The following E2F7 variants were observed in gnomAD, a reference collection of about 807,000 sequenced individuals.
The protein encoded by E2F7 is transcription factor E2F7.
In E2F7, 35 loss-of-function variants were observed where a neutral mutation model predicts 81.1. That is an observed-to-expected ratio of 0.43 (90% confidence interval 0.33 to 0.57). E2F7 has a LOEUF of 0.57. Ranked by LOEUF, E2F7 falls within the 20% of genes least tolerant of loss-of-function variation. The pLI is 0.04. For synonymous variants in E2F7, 416 were observed against 416.2 expected (o/e 1.00, Z 0.01); for missense variants, 961 against 1,093.7 (o/e 0.88, Z 1.71).
intron 3 of E2F7, among the ~76,000 whole-genome samples, chr12:77,051,910 A>C (rs1332393700): frequency 5.9e-5 from 9 of 152,186 alleles, no homozygotes; most frequent in Non-Finnish European, 1.3e-4. Flanking sequence ...ATACAAAAAA[A>C]CTCAAAAGAA....
intron 9 of E2F7, 32 bp downstream of exon 9, chr12:77,033,018 G>T (rs111367994): frequency 8.8e-6 from 14 of 1,592,360 alleles, no homozygotes; most frequent in African/African-American, 5.4e-5. Flanking sequence ...AGATAGAAAA[G>T]AATACACTCT....
rs1238816304 is a variant in E2F7 at position 77,033,848 on chromosome 12, G to A, written c.1309+9C>T. 1 of 1,592,932 alleles carries A rather than the reference G, an allele frequency of 6.3e-7. No individual in the cohort carries two copies. The highest frequency in any genetic ancestry group is 2.3e-5 in the East Asian group (1 of 44,264). On this transcript the variant is annotated intron_variant, in intron 8 of 12. Coordinates refer to ENST00000322886, the MANE Select transcript of E2F7 (RefSeq NM_203394.3). ...TGATGGACTCCATAGATTATGCAAG[G>A]GCAGATACCTTGTTCTTCTCTGTAC... is the stretch of plus-strand genomic sequence containing the variant.
chr12:77,037,408 T>C (rs1201821098), intron 7 of E2F7, among the ~76,000 whole-genome samples: 2 of 152,062 alleles, frequency 1.3e-5, no homozygotes, highest in Admixed American at 1.3e-4. Context: ...CTGGGCAACA[T>C]AGTGAAACCC....
At chr12:77,033,220 C>T in intron 8 of E2F7, 98 bp from the exon 9 acceptor site, 2 of 1,109,920 alleles carry the variant, frequency 1.8e-6, no homozygotes, top group Non-Finnish European at 1.3e-6. Context: ...TTATTCTCAG[C>T]TCAAAGATTA....
chr12:77,031,971 T>C (rs540445260), intron 9 of E2F7, among the ~76,000 whole-genome samples: 1 of 152,308 alleles, frequency 6.6e-6, no homozygotes, highest in Admixed American at 6.5e-5. Context: ...TCTCCACCAA[T>C]GACATCACTA....
At chr12:77,036,352 A>G (rs1954849396) in intron 7 of E2F7, among the ~76,000 whole-genome samples, 1 of 152,082 alleles carries the variant, frequency 6.6e-6, no homozygotes, top group Non-Finnish European at 1.5e-5. Flanking sequence ...AGGCTAGAAA[A>G]CAGTGGAGCA....
chr12:77,035,184 A>C (rs571179267), intron 7 of E2F7, among the ~76,000 whole-genome samples: 12 of 152,322 alleles, frequency 7.9e-5, no homozygotes, highest in African/African-American at 2.9e-4. Flanking sequence ...ACCTAGACAG[A>C]GACTGTAGGT....
At chr12:77,062,459 A>G (rs1353148827) in intron 2 of E2F7, among the ~76,000 whole-genome samples, 2 of 152,210 alleles carry the variant, frequency 1.3e-5, no homozygotes, top group Non-Finnish European at 2.9e-5. Context: ...AAAGACAGAC[A>G]GAAGCCCCTC....
At position 77,043,151 on chromosome 12, in the gene E2F7, G is replaced by A; in HGVS notation, c.1037C>T (p.Ala346Val). 6.2e-7 allele frequency: 1 copy of A among 1,614,152 alleles called. No individual in the cohort carries two copies. The highest frequency in any genetic ancestry group is 8.5e-7 in the Non-Finnish European group (1 of 1,180,028). ...YDIANVLTSL[A>V]LIKKVHVTEE... ...TGTTACATGCACTTTCTTTATCAGA[G>A]CCAAGCTGGTCAGAACATTGGCTAT... The change falls in exon 7 of 13, where the codon GCT becomes GTT. Residue 346 changes from alanine to valine, a missense_variant. By Grantham distance (64) the Ala-to-Val change is moderately conservative. This residue lies in a region of E2F7 where 301 missense variants were observed against 405.0 expected (regional missense o/e 0.74). Coordinates refer to ENST00000322886, the MANE Select transcript of E2F7 (RefSeq NM_203394.3).
rs1954754184 is a variant in E2F7 at position 77,025,899 on chromosome 12, T to G, written c.2224A>C (p.Ser742Arg). ...GATGGTAAGACCATGCAAGGGACAC[T>G]GAAAGACGGCAGCTGACCTGAGGAC... ...GPSSGQLPSF[S>R]VPCMVLPSPP... is the part of the protein sequence containing the mutation. Residue 742 changes from serine (S) to arginine (R), a missense_variant, in exon 12 of 13, where the codon AGT (serine) becomes CGT (arginine). Coordinates refer to ENST00000322886, the MANE Select transcript of E2F7 (RefSeq NM_203394.3). 3.1e-6 allele frequency: 5 copies of G among 1,614,016 alleles called. No individual in the cohort carries two copies. Among genetic ancestry groups the G allele is most frequent in the Admixed American group, 3.3e-5 (2 of 60,000 alleles).
intron 2 of E2F7, among the ~76,000 whole-genome samples, chr12:77,062,602 T>C (rs201247527): frequency 2.0e-5 from 3 of 151,138 alleles, no homozygotes; most frequent in African/African-American, 7.3e-5. Flanking sequence ...GAGTTTTTTT[T>C]CCCCACACAC....
intron 12 of E2F7, 128 bp downstream of exon 12, chr12:77,025,430 C>T (rs1328323429): frequency 9.6e-6 from 10 of 1,036,854 alleles, no homozygotes; most frequent in African/African-American, 1.6e-5. Context: ...AACTCTAGGT[C>T]TACAACGGAA....
At chr12:77,037,121 C>G (rs559058726) in intron 7 of E2F7, among the ~76,000 whole-genome samples, 7 of 152,132 alleles carry the variant, frequency 4.6e-5, no homozygotes, top group Non-Finnish European at 8.8e-5. Context: ...CTCAGACATA[C>G]AACAGCTAGA....
At chr12:77,056,418 G>A (rs557235957) in intron 2 of E2F7, among the ~76,000 whole-genome samples, 1 of 152,284 alleles carries the variant, frequency 6.6e-6, no homozygotes, top group East Asian at 1.9e-4. Flanking sequence ...AACAGATGAG[G>A]ACTATGAGGG....
At chr12:77,024,397 T>A (rs1320527698) in intron 12 of E2F7, among the ~76,000 whole-genome samples, 1 of 152,164 alleles carries the variant, frequency 6.6e-6, no homozygotes, top group Non-Finnish European at 1.5e-5. Flanking sequence ...AGAAAGGCAG[T>A]CTACCAAAGA....
At chr12:77,036,552 T>C (rs1489395127) in intron 7 of E2F7, among the ~76,000 whole-genome samples, 3 of 151,338 alleles carry the variant, frequency 2.0e-5, no homozygotes, top group African/African-American at 7.3e-5. Context: ...ATAAAATAAA[T>C]TTAAAAAAAG....
intron 5 of E2F7, chr12:77,045,770 C>T: frequency 2.4e-6 from 1 of 420,232 alleles, no homozygotes; most frequent in Non-Finnish European, 4.2e-6. Flanking sequence ...ATGGGGCTGC[C>T]AATCTAAAAA....
intron 2 of E2F7, among the ~76,000 whole-genome samples, chr12:77,059,950 G>A (rs1457368765): frequency 8.6e-6 from 1 of 116,268 alleles, no homozygotes; most frequent in East Asian, 3.2e-4. Context: ...GTGACAGCGA[G>A]ATTCTGTCTC....
intron 2 of E2F7, among the ~76,000 whole-genome samples, chr12:77,058,786 A>G (rs1955054817): frequency 6.6e-6 from 1 of 152,160 alleles, no homozygotes; most frequent in Admixed American, 6.5e-5. Context: ...TCTATTCTTT[A>G]TTACCATTCA....
Sources: allele counts gnomAD v4.1 joint callset (sites outside exome capture counted in the v4.1 genomes callset), GRCh38; gene constraint gnomAD v4.1.1; regional missense constraint gnomAD v4.1.1; transcripts MANE v1.5; gene names NCBI Gene and HGNC (gene_info 2026-07-23, HGNC 2026-07-21).